Variants in ARHGEF12 observed in about 807,000 individuals in gnomAD.
ARHGEF12 encodes Rho guanine nucleotide exchange factor 12.
A neutral mutation model predicts 211.2 loss-of-function variants in ARHGEF12; 66 were observed. The ratio of observed to expected loss-of-function variants is 0.31; its 90% CI spans 0.26 to 0.38. The LOEUF (loss-of-function observed/expected upper bound fraction) is 0.38. Among genes scored for constraint, ARHGEF12 ranks in the 10% least tolerant of loss-of-function variants. The pLI, the probability that ARHGEF12 is intolerant of heterozygous loss-of-function variation, is 1.00. For synonymous variants in ARHGEF12, 592 were observed against 638.4 expected, an observed-to-expected ratio of 0.93 and a Z score of 1.09; for missense variants, 1,429 against 1,869.5, an observed-to-expected ratio of 0.76 and a Z score of 4.34.
chr11:120,446,087 A>G (rs1181044901), intron 16 of ARHGEF12, among the ~76,000 whole-genome samples: 1 of 151,306 alleles, frequency 6.6e-6, no homozygotes, highest in Non-Finnish European at 1.5e-5. Flanking sequence ...TGTCTCAGCT[A>G]CTCAGGAGGC....
chr11:120,431,163 G>A (rs931791439), intron 10 of ARHGEF12, among the ~76,000 whole-genome samples: 3 of 152,020 alleles, frequency 2.0e-5, no homozygotes, highest in Non-Finnish European at 4.4e-5. Context: ...GGTGGTGCAT[G>A]CCTGTAATCC....
chr11:120,339,928 G>A (rs138484399), intron 1 of ARHGEF12, among the ~76,000 whole-genome samples: 1 of 152,010 alleles, frequency 6.6e-6, no homozygotes, highest in Non-Finnish European at 1.5e-5. Flanking sequence ...TCCCCAGTCC[G>A]CACCCCTTAA....
chr11:120,442,185 T>C lies in ARHGEF12; in HGVS notation c.1285T>C (p.Phe429Leu), dbSNP rs1395738903. 6.2e-7 allele frequency: 1 copy of C among 1,608,796 alleles called. No homozygotes were observed. Residue 429 changes from phenylalanine to leucine, a missense_variant, in exon 15 of 41, where the codon TTT (phenylalanine) becomes CTT (leucine). Phe to Leu is a conservative substitution (Grantham distance 22). This residue lies in a region of ARHGEF12 where 373 missense variants were observed against 467.5 expected (regional missense o/e 0.80). Transcript: ENST00000397843. ...CATCTTCCTTGAGTTTCATCAGTTC[T>C]TTCTAGATCGATCAGCAGTAAGTTG... Reference protein sequence around the residue: ...RRIFLEFHQFFLDRSAHLKVS... With the variant: ...RRIFLEFHQFLLDRSAHLKVS...
Position 120,451,498 on chromosome 11 carries a change from C to T in ARHGEF12, c.1844-14C>T. 3 of 1,613,314 alleles carry T rather than the reference C, an allele frequency of 1.9e-6. No homozygotes were observed. The highest frequency in any genetic ancestry group is 2.5e-6 in the Non-Finnish European group (3 of 1,179,754). On this transcript the variant is annotated splice_polypyrimidine_tract_variant and intron_variant, in intron 21 of 40. Coordinates refer to ENST00000397843, the MANE Select transcript of ARHGEF12 (RefSeq NM_015313.3). Reference sequence around the variant, plus strand: ...AGCCGCAATACAGATTATTAACCATCATTTTCTGATCAGTTGGCAGAGCCA... The same window carrying T: ...AGCCGCAATACAGATTATTAACCATTATTTTCTGATCAGTTGGCAGAGCCA...
chr11:120,351,463 T>A (rs1331123310), intron 1 of ARHGEF12, among the ~76,000 whole-genome samples: 13 of 45,690 alleles, frequency 2.8e-4, no homozygotes, highest in Non-Finnish European at 3.7e-4. Context: ...ATATTTTTTT[T>A]TTTTTTTTTT....
At chr11:120,365,377 T>G (rs1943395380) in intron 1 of ARHGEF12, among the ~76,000 whole-genome samples, 1 of 152,126 alleles carries the variant, frequency 6.6e-6, no homozygotes, top group Non-Finnish European at 1.5e-5. Flanking sequence ...TATGAGAAGC[T>G]CCTGAACTAG....
chr11:120,442,083 T>A, intron 14 of ARHGEF12, 21 bp from the exon 15 acceptor site: 9 of 1,531,778 alleles, frequency 5.9e-6, no homozygotes, highest in Non-Finnish European at 8.0e-6. Context: ...TTTGTCTTTT[T>A]CATTCCTTTC....
rs769345781 is a variant in ARHGEF12, at chr11:120,488,706, T to C, written c.*3629T>C. On this transcript the variant is annotated 3_prime_UTR_variant, in exon 41 of 41. Transcript: ENST00000397843. ...CACTGTTGGTTATTTTTAATAAGCCTCTTCCTACTAGAACATTTTATTTTC... is the reference window on the plus strand; with the variant it reads ...CACTGTTGGTTATTTTTAATAAGCCCCTTCCTACTAGAACATTTTATTTTC... The C allele has an allele frequency of 7.8e-5, 17 of 219,028 alleles. No homozygotes were observed. The highest frequency in any genetic ancestry group is 1.4e-4 in the Non-Finnish European group (15 of 108,860). 13.6% of individuals were successfully genotyped at this position (219,028 alleles called of 1,614,324 possible).
chr11:120,426,134 TGAA>T (rs1257023626), intron 7 of ARHGEF12, among the ~76,000 whole-genome samples: 1 of 152,200 alleles, frequency 6.6e-6, no homozygotes, highest in African/African-American at 2.4e-5. Flanking sequence ...TCCCCATACT[TGAA>T]TAAACTTGAC....
intron 1 of ARHGEF12, among the ~76,000 whole-genome samples, chr11:120,346,958 A>G (rs867062259): frequency 7.2e-5 from 11 of 152,306 alleles, no homozygotes; most frequent in Middle Eastern, 3.4e-3. Flanking sequence ...ACTGTCTGAT[A>G]GGGTGAGGTA....
intron 22 of ARHGEF12, among the ~76,000 whole-genome samples, chr11:120,454,912 A>G (rs527340772): frequency 2.9e-4 from 44 of 152,338 alleles, no homozygotes; most frequent in African/African-American, 1.0e-3. Flanking sequence ...AGTTAGAAAC[A>G]AGTCACTAAA....
intron 12 of ARHGEF12, chr11:120,438,455 T>C (rs1241698196): frequency 2.6e-5 from 4 of 151,210 alleles, no homozygotes; most frequent in African/African-American, 9.8e-5. Context: ...TTTCACCTGA[T>C]TTTTTTTTGG....
chr11:120,347,183 CCTT>C (rs1942779802), intron 1 of ARHGEF12, among the ~76,000 whole-genome samples: 1 of 100,222 alleles, frequency 1.0e-5, no homozygotes, highest in South Asian at 3.2e-4. Flanking sequence ...TTCCTTCCTT[CCTT>C]TCTTTCTTTC....
At chr11:120,429,861 C>G (rs1455885907) in intron 10 of ARHGEF12, 30 bp downstream of exon 10, 3 of 1,574,238 alleles carry the variant, frequency 1.9e-6, no homozygotes, top group Non-Finnish European at 2.6e-6. Context: ...TGCTACCCAA[C>G]TTTTTGCAGG....
rs1265196223 is a variant in ARHGEF12, at chr11:120,460,722, G to A, written c.2578G>A (p.Val860Ile). The A allele has an allele frequency of 1.2e-6, 2 of 1,613,770 alleles. No homozygotes were observed. The highest frequency in any genetic ancestry group is 2.7e-5 in the African/African-American group (2 of 74,924). ...KAVRKRNETS[V>I]IDQIGEDLLT... ...TGTTCGAAAGAGAAATGAGACCTCTGTTATCGATCAGATTGGGGAAGATTT... is the reference window on the plus strand; with the variant it reads ...TGTTCGAAAGAGAAATGAGACCTCTATTATCGATCAGATTGGGGAAGATTT... The change falls in exon 27 of 41, where the codon GTT becomes ATT. Residue 860 changes from valine to isoleucine, a missense_variant. By Grantham distance (29) the Val-to-Ile change is conservative. Transcript: ENST00000397843.
At chr11:120,446,903 A>G in intron 17 of ARHGEF12, 45 bp from the exon 18 acceptor site, 1 of 1,591,220 alleles carries the variant, frequency 6.3e-7, no homozygotes, top group Non-Finnish European at 8.6e-7. Context: ...AGAATGAGGT[A>G]GTTTTTCTTT....
intron 1 of ARHGEF12, among the ~76,000 whole-genome samples, chr11:120,383,905 A>G (rs1943952188): frequency 6.6e-6 from 1 of 152,174 alleles, no homozygotes; most frequent in Non-Finnish European, 1.5e-5. Context: ...TTGGTGATCT[A>G]GGATGATAGA....
intron 4 of ARHGEF12, among the ~76,000 whole-genome samples, chr11:120,413,651 A>G (rs1323338601): frequency 1.3e-5 from 2 of 152,212 alleles, no homozygotes; most frequent in African/African-American, 4.8e-5. Context: ...CTGTGCATTT[A>G]GAATCAAGAA....
chr11:120,340,649 G>A (rs997676675), intron 1 of ARHGEF12, among the ~76,000 whole-genome samples: 1 of 151,896 alleles, frequency 6.6e-6, no homozygotes, highest in Non-Finnish European at 1.5e-5. Flanking sequence ...TATTTTCAAC[G>A]TTGCATGAGT....
Sources: gnomAD v4.1 joint callset for allele counts (sites outside exome capture counted in the v4.1 genomes callset) on GRCh38, gnomAD v4.1.1 for gene constraint, gnomAD v4.1.1 regional missense constraint, MANE v1.5 for transcripts, NCBI Gene and HGNC (gene_info 2026-07-23, HGNC 2026-07-21) for gene names.